The following ATP6V0A1 variants were observed in gnomAD, a reference collection of about 807,000 sequenced individuals.
The protein encoded by ATP6V0A1 is ATPase H+ transporting V0 subunit a1, also known as V-type proton ATPase 116 kDa subunit a 1.
ATP6V0A1 carries 43 observed loss-of-function variants against 105.4 expected under a neutral mutation model. That is an observed-to-expected ratio of 0.41 (90% confidence interval 0.32 to 0.53). The LOEUF is 0.53. Among genes scored for constraint, ATP6V0A1 ranks in the 20% least tolerant of loss-of-function variants. The pLI, the probability that ATP6V0A1 is intolerant of heterozygous loss-of-function variation, is 0.30. For missense variants in ATP6V0A1, 676 were observed against 1,051.1 expected (o/e 0.64, Z 4.93); for synonymous variants, 362 against 372.8 (o/e 0.97, Z 0.33).
chr17:42,466,431 A>G lies in ATP6V0A1; in HGVS notation c.120A>G (p.Leu40=). ...GELGKVQFRD[L]NPDVNVFQRK... ...GGTATTGTGTTTTTATTTTTCAGTT[A>G]AATCCAGATGTGAATGTTTTCCAAC... is the stretch of plus-strand genomic sequence containing the variant. The change falls in exon 3 of 22, where the codon TTA becomes TTG. Residue 40 remains leucine, a splice_region_variant and synonymous_variant. Transcript: ENST00000343619. 3.7e-6 allele frequency: 6 copies of G among 1,609,334 alleles called. No homozygotes were observed. The highest frequency in any genetic ancestry group is 5.1e-6 in the Non-Finnish European group (6 of 1,175,764).
chr17:42,476,771 C>G (rs2088809636), intron 5 of ATP6V0A1, among the ~76,000 whole-genome samples: 1 of 152,102 alleles, frequency 6.6e-6, no homozygotes, highest in Non-Finnish European at 1.5e-5. Context: ...ACCAATTAAA[C>G]CAGCCCATGA....
chr17:42,470,286 T>G, intron 5 of ATP6V0A1, 68 bp downstream of exon 5: 1 of 1,551,720 alleles, frequency 6.4e-7, no homozygotes, highest in Non-Finnish European at 8.8e-7. Context: ...GCCATATTTT[T>G]ATTCCAGTAA....
chr17:42,510,677 A>AT, intron 19 of ATP6V0A1: 1 of 152,370 alleles, frequency 6.6e-6, no homozygotes, highest in Non-Finnish European at 1.5e-5. Context: ...TTTTTGCCTC[A>AT]TTTGGACAAC....
At chr17:42,463,525 C>T (rs773565419) in intron 2 of ATP6V0A1, among the ~76,000 whole-genome samples, 5 of 152,174 alleles carry the variant, frequency 3.3e-5, no homozygotes, top group African/African-American at 4.8e-5. Flanking sequence ...TAAAAATTGC[C>T]GAACGGTAAG....
Position 42,514,368 on chromosome 17 carries a change from C to G in ATP6V0A1, c.2328C>G (p.Phe776Leu). The change falls in exon 21 of 22, where the codon TTC becomes TTG. Residue 776 changes from phenylalanine to leucine, a missense_variant. Phe to Leu is a conservative substitution (Grantham distance 22). This residue lies in a region of ATP6V0A1 where 435 missense variants were observed against 642.2 expected (regional missense o/e 0.68). Coordinates refer to ENST00000343619, the MANE Select transcript of ATP6V0A1 (RefSeq NM_001130021.3). ...GCTTGGCGGGAGGTTTGGTGCTGTT[C>G]TTCTTCTTCACTGCCTTTGCCACCC... is the stretch of plus-strand genomic sequence containing the variant. ...VKSLAGGLVLFFFFTAFATLT... is the reference protein window; with the variant it reads ...VKSLAGGLVLLFFFTAFATLT... 6.2e-7 allele frequency: 1 copy of G among 1,613,700 alleles called. No homozygotes were observed. Among genetic ancestry groups the G allele is most frequent in the Non-Finnish European group, 8.5e-7 (1 of 1,179,788 alleles).
intron 17 of ATP6V0A1, among the ~76,000 whole-genome samples, chr17:42,504,480 T>A (rs962967451): frequency 2.0e-5 from 3 of 152,116 alleles, no homozygotes; most frequent in Admixed American, 6.6e-5. Context: ...CTTCCTCCTA[T>A]ATCTTATAAC....
intron 10 of ATP6V0A1, 96 bp downstream of exon 10, chr17:42,487,463 C>G: frequency 7.9e-7 from 1 of 1,261,366 alleles, no homozygotes; most frequent in South Asian, 1.3e-5. Context: ...CGCGGTGGCT[C>G]ATGCCTGTAA....
At chr17:42,489,361 A>G (rs1041965339) in intron 10 of ATP6V0A1, among the ~76,000 whole-genome samples, 2 of 152,122 alleles carry the variant, frequency 1.3e-5, no homozygotes, top group Non-Finnish European at 2.9e-5. Context: ...GATTACAGGC[A>G]TGAGCCACTT....
chr17:42,464,149 G>A (rs529729422), intron 2 of ATP6V0A1, among the ~76,000 whole-genome samples: 1 of 152,270 alleles, frequency 6.6e-6, no homozygotes, highest in African/African-American at 2.4e-5. Context: ...TTGGGTAGGT[G>A]TATGTTTAAC....
At position 42,462,217 on chromosome 17, in the gene ATP6V0A1, A is replaced by C. The variant is rs117374067; in HGVS notation, c.117+1206A>C. On this transcript the variant is annotated intron_variant, in intron 2 of 21. Coordinates refer to ENST00000343619, the MANE Select transcript of ATP6V0A1 (RefSeq NM_001130021.3). ...GTGACAGAGCATGACACTGTCTCAA[A>C]ACCAAAAAAAAAAAAAGAGGTGGGG... 3.9e-3 allele frequency among the ~76,000 whole-genome samples: 588 copies of C among 151,750 alleles called. 1 individual carries two copies. The highest frequency in any genetic ancestry group is 7.7e-3 in the Admixed American group (117 of 15,214).
At chr17:42,495,296 C>G in intron 13 of ATP6V0A1, 108 bp downstream of exon 13, 1 of 1,188,570 alleles carries the variant, frequency 8.4e-7, no homozygotes, top group Non-Finnish European at 1.2e-6. Flanking sequence ...GTGACAGTGT[C>G]TCCTCATTCA....
At chr17:42,478,759 T>C (rs2089109221) in intron 7 of ATP6V0A1, 170 bp downstream of exon 7, 10 of 562,362 alleles carry the variant, frequency 1.8e-5, no homozygotes, top group Non-Finnish European at 2.4e-5. Context: ...TCCTGTCATA[T>C]ATACATATGG....
At chr17:42,459,902 C>T (rs1015389171) in intron 1 of ATP6V0A1, among the ~76,000 whole-genome samples, 2 of 152,130 alleles carry the variant, frequency 1.3e-5, no homozygotes, top group African/African-American at 4.8e-5. Flanking sequence ...AGTATAGATG[C>T]CCTTATGACA....
intron 20 of ATP6V0A1, 22 bp from the exon 21 acceptor site, chr17:42,514,266 AT>A: frequency 6.4e-7 from 1 of 1,559,318 alleles, no homozygotes. Context: ...ACTGCACTGG[AT>A]TTTGTGTCTC....
At chr17:42,502,253 C>T (rs2091730888) in intron 17 of ATP6V0A1, among the ~76,000 whole-genome samples, 1 of 152,206 alleles carries the variant, frequency 6.6e-6, no homozygotes, top group Non-Finnish European at 1.5e-5. Flanking sequence ...GATGTAGCAT[C>T]AGCCAAAGCC....
intron 7 of ATP6V0A1, 134 bp from the exon 8 acceptor site, chr17:42,480,533 G>A (rs2089360591): frequency 1.5e-6 from 1 of 680,198 alleles, no homozygotes; most frequent in South Asian, 2.1e-5. Flanking sequence ...AGTGAGGGCA[G>A]TGGTTAAAAT....
At position 42,490,475 on chromosome 17, in the gene ATP6V0A1, A is replaced by C. The variant is rs771887689; in HGVS notation, c.1024-12A>C. On this transcript the variant is annotated splice_polypyrimidine_tract_variant and intron_variant, in intron 10 of 21. Coordinates refer to ENST00000343619, the MANE Select transcript of ATP6V0A1 (RefSeq NM_001130021.3). ...ATAACCTAAGTTTGATAAATGTGCT[A>C]ATGTTTTTCAGGAACACAGTGGTTC... is the stretch of plus-strand genomic sequence containing the variant. 4 of 1,593,396 alleles carry C rather than the reference A, an allele frequency of 2.5e-6. No individual in the cohort carries two copies. Among genetic ancestry groups the C allele is most frequent in the Non-Finnish European group, 3.4e-6 (4 of 1,172,902 alleles).
intron 2 of ATP6V0A1, among the ~76,000 whole-genome samples, chr17:42,462,866 G>A (rs2086591123): frequency 6.6e-6 from 1 of 152,018 alleles, no homozygotes; most frequent in Non-Finnish European, 1.5e-5. Context: ...TCCTGCCTCA[G>A]CCTCCCAAAG....
chr17:42,508,932 T>C (rs1376438502), intron 19 of ATP6V0A1, among the ~76,000 whole-genome samples: 1 of 152,126 alleles, frequency 6.6e-6, no homozygotes, highest in African/African-American at 2.4e-5. Context: ...CTTCCTCTCC[T>C]GTGATGTTGT....
Sources: allele counts gnomAD v4.1 joint callset (sites outside exome capture counted in the v4.1 genomes callset), GRCh38; gene constraint gnomAD v4.1.1; regional missense constraint gnomAD v4.1.1; transcripts MANE v1.5; gene names NCBI Gene and HGNC (gene_info 2026-07-23, HGNC 2026-07-21).